Variants in ST3GAL4 observed in about 807,000 individuals in gnomAD.
The protein encoded by ST3GAL4 is ST3 beta-galactoside alpha-2,3-sialyltransferase 4, also known as CMP-N-acetylneuraminate-beta-galactosamide-alpha-2,3-sialyltransferase 4.
Under a neutral mutation model 42.6 loss-of-function variants are expected in ST3GAL4, and 24 were observed. The ratio of observed to expected loss-of-function variants is 0.56; its 90% CI spans 0.41 to 0.79. The LOEUF is 0.79. Among genes scored for constraint, ST3GAL4 ranks in the 30% least tolerant of loss-of-function variants. The probability of loss-of-function intolerance (pLI) is 0.00; values close to 1 mark genes in which losing one functional copy is unlikely to be tolerated. For synonymous variants in ST3GAL4, 135 were observed against 163.2 expected (o/e 0.83, Z 1.32); for missense variants, 311 against 430.8 (o/e 0.72, Z 2.46).
In ST3GAL4 at chr11:126,413,571, G is replaced by A. The variant is rs756094943; in HGVS notation, c.838G>A (p.Gly280Ser). 1.2e-6 allele frequency: 2 copies of A among 1,614,252 alleles called. No individual in the cohort carries two copies. Among genetic ancestry groups the A allele is most frequent in the Non-Finnish European group, 1.7e-6 (2 of 1,180,056 alleles). The change falls in exon 10 of 11, where the codon GGC (glycine) becomes AGC (serine). Residue 280 changes from glycine to serine, a missense_variant. By Grantham distance (56) the Gly-to-Ser change is moderately conservative. Coordinates refer to ENST00000444328, the MANE Select transcript of ST3GAL4 (RefSeq NM_001254757.2). ...CCTCTGTGACTTGGTGCACATTGCC[G>A]GCTTTGGCTACCCAGACGCCTACAA... ...LHLCDLVHIA[G>S]FGYPDAYNKK...
rs899348157 is a variant in ST3GAL4 at position 126,396,343 on chromosome 11, G to T, written c.-60-9753G>T. 1.3e-5 allele frequency among the ~76,000 whole-genome samples: 2 copies of T among 152,104 alleles called. No homozygotes were observed. Among genetic ancestry groups the T allele is most frequent in the Admixed American group, 1.3e-4 (2 of 15,280 alleles). ...GGCAGGGAAGCCAGAGGAGTCCGCA[G>T]CCCGGGAGACCTGGCCTACAGCGGA... On this transcript the variant is annotated intron_variant, in intron 1 of 10. Coordinates refer to ENST00000444328, the MANE Select transcript of ST3GAL4 (RefSeq NM_001254757.2). The surrounding 1 kb of genome is among the most constrained non-coding windows in gnomAD (Gnocchi z 5.8).
Position 126,409,220 on chromosome 11 carries a change from C to G in ST3GAL4, c.628-48C>G, listed in dbSNP as rs1053048454. 1.9e-6 allele frequency: 3 copies of G among 1,601,500 alleles called. No homozygotes were observed. The African/African-American group carries it at 4.0e-5, about 21-fold the overall frequency. ...GGACCACTGGGTTGGATTTGAGAAACAGGGCTTCACCCGCTTCTGTCTCTC... is the reference window on the plus strand; with the variant it reads ...GGACCACTGGGTTGGATTTGAGAAAGAGGGCTTCACCCGCTTCTGTCTCTC... On this transcript the variant is annotated intron_variant, in intron 8 of 10. Transcript: ENST00000444328. The surrounding 1 kb of genome is among the most constrained non-coding windows in gnomAD (Gnocchi z 4.9).
chr11:126,383,736 G>A lies in ST3GAL4; in HGVS notation c.-60-22360G>A, dbSNP rs2135451682. 6.6e-6 allele frequency among the ~76,000 whole-genome samples: 1 copy of A among 152,266 alleles called. No individual in the cohort carries two copies. The highest frequency in any genetic ancestry group is 6.5e-5 in the Admixed American group (1 of 15,296). On this transcript the variant is annotated intron_variant, in intron 1 of 10. Coordinates refer to ENST00000444328, the MANE Select transcript of ST3GAL4 (RefSeq NM_001254757.2). This position sits in a 1 kb window ranked among gnomAD's most constrained non-coding sequence, Gnocchi z 4.5. ...TGGAAGGGGCTGTCTATGCCTTCAG[G>A]CTCTGAGTGTGGATGCAGCTGGGCC...
At chr11:126,374,555 A>G (rs974089734) in intron 1 of ST3GAL4, among the ~76,000 whole-genome samples, 2 of 152,052 alleles carry the variant, frequency 1.3e-5, no homozygotes, top group Non-Finnish European at 2.9e-5. Context: ...TGAGTGAACG[A>G]AAGTACAAAG....
In ST3GAL4 at chr11:126,378,316, A is replaced by T. The variant is rs11220463; in HGVS notation, c.-61+22474A>T. On this transcript the variant is annotated intron_variant, in intron 1 of 10. Transcript: ENST00000444328. The surrounding 1 kb of genome is among the most constrained non-coding windows in gnomAD (Gnocchi z 5.3). ...GTCACATCTGCGTCTGCACAGCGCCACGTTGAATGGTTATGGTTTCAATTG... is the reference window on the plus strand; with the variant it reads ...GTCACATCTGCGTCTGCACAGCGCCTCGTTGAATGGTTATGGTTTCAATTG... 0.12 allele frequency among the ~76,000 whole-genome samples: 18,806 copies of T among 152,226 alleles called. 1,522 individuals are homozygous for T. The highest frequency in any genetic ancestry group is 0.36 in the East Asian group (1,849 of 5,162).
intron 1 of ST3GAL4, among the ~76,000 whole-genome samples, chr11:126,367,116 C>T (rs1346326047): frequency 1.3e-5 from 2 of 152,130 alleles, no homozygotes; most frequent in African/African-American, 4.8e-5. Context: ...TCTGGTCAGG[C>T]TGAGGGATCC....
At position 126,387,756 on chromosome 11, in the gene ST3GAL4, C is replaced by T. The variant is rs192670656; in HGVS notation, c.-60-18340C>T. ...CACTCTCATTCCAGACCTCTGACCC[C>T]CAGGACTTTTCTCTTGAGAGGCCAT... On this transcript the variant is annotated intron_variant, in intron 1 of 10. Coordinates refer to ENST00000444328, the MANE Select transcript of ST3GAL4 (RefSeq NM_001254757.2). Among the ~76,000 whole-genome samples the T allele has an allele frequency of 2.9e-3, 435 of 148,690 alleles. 3 individuals are homozygous for T. Among genetic ancestry groups the T allele is most frequent in the African/African-American group, 0.011 (422 of 39,514 alleles).
intron 1 of ST3GAL4, among the ~76,000 whole-genome samples, chr11:126,356,547 G>T (rs189503763): frequency 3.3e-5 from 5 of 152,346 alleles, no homozygotes; most frequent in Admixed American, 6.5e-5. Context: ...TCCCAGTCCT[G>T]GGGGGAGGCT....
In ST3GAL4 at chr11:126,392,974, T is replaced by C. The variant is rs1001169886; in HGVS notation, c.-60-13122T>C. Among the ~76,000 whole-genome samples, 1 of 151,152 alleles carries C rather than the reference T, an allele frequency of 6.6e-6. No homozygotes were observed. The highest frequency in any genetic ancestry group is 2.4e-5 in the African/African-American group (1 of 41,100). On this transcript the variant is annotated intron_variant, in intron 1 of 10. Transcript: ENST00000444328. The surrounding 1 kb of genome is among the most constrained non-coding windows in gnomAD (Gnocchi z 5.8). ...CAACTCCTGTTCTTTTTTTTTTTTT[T>C]TTTTGAGACAGGCTAGAGTGCAGGG... is the stretch of plus-strand genomic sequence containing the variant.
At chr11:126,403,991 T>C (rs1954122449) in intron 1 of ST3GAL4, among the ~76,000 whole-genome samples, 1 of 152,170 alleles carries the variant, frequency 6.6e-6, no homozygotes. Context: ...CGAATTCCAG[T>C]GCTGGGCTAG....
rs541175216 is a variant in ST3GAL4 at position 126,410,407 on chromosome 11, C to T, written c.771+996C>T. Among the ~76,000 whole-genome samples the T allele has an allele frequency of 6.6e-6, 1 of 152,266 alleles. No homozygotes were observed. Among genetic ancestry groups the T allele is most frequent in the South Asian group, 2.1e-4 (1 of 4,808 alleles). ...GGTGAGAGACAGGCACTAGCAGACA[C>T]AGGTATGGCGCTTGGCTGTGCTGTG... On this transcript the variant is annotated intron_variant, in intron 9 of 10. Coordinates refer to ENST00000444328, the MANE Select transcript of ST3GAL4 (RefSeq NM_001254757.2). The surrounding 1 kb of genome is among the most constrained non-coding windows in gnomAD (Gnocchi z 5.3).
intron 1 of ST3GAL4, among the ~76,000 whole-genome samples, chr11:126,365,916 G>C (rs1465748733): frequency 6.6e-6 from 1 of 152,140 alleles, no homozygotes; most frequent in East Asian, 1.9e-4. Flanking sequence ...TCGGCCAAAT[G>C]GCCACAGGCT....
Position 126,413,635 on chromosome 11 carries a change from T to TC in ST3GAL4, c.903dup (p.Lys302GlnfsTer9). On this transcript the variant is annotated frameshift_variant, in exon 10 of 11. Coordinates refer to ENST00000444328, the MANE Select transcript of ST3GAL4 (RefSeq NM_001254757.2). LOFTEE classifies it high-confidence loss of function. ...ATTCACTACTATGAGCAGATCACGC[T>TC]CAAGTCCATGGCGGTAAGTGCCTGG... is the stretch of plus-strand genomic sequence containing the variant. 6.2e-7 allele frequency: 1 copy of TC among 1,614,204 alleles called. No individual in the cohort carries two copies. The highest frequency in any genetic ancestry group is 8.5e-7 in the Non-Finnish European group (1 of 1,180,026).
chr11:126,375,530 C>G (rs1287224669), intron 1 of ST3GAL4, among the ~76,000 whole-genome samples: 1 of 152,240 alleles, frequency 6.6e-6, no homozygotes, highest in African/African-American at 2.4e-5. Flanking sequence ...CCGCTCCTCA[C>G]GAGCTGTACA....
Position 126,383,918 on chromosome 11 carries a change from G to C in ST3GAL4, c.-60-22178G>C, listed in dbSNP as rs1307844354. Among the ~76,000 whole-genome samples, 2 of 152,154 alleles carry C rather than the reference G, an allele frequency of 1.3e-5. No homozygotes were observed. Among genetic ancestry groups the C allele is most frequent in the Non-Finnish European group, 2.9e-5 (2 of 68,034 alleles). The stretch of plus-strand genomic sequence containing the variant: ...GGACAAACTGGAGAGGGACTCTCTT[G>C]CCGCCTTCTCTGTTCCTGGGGACAG... On this transcript the variant is annotated intron_variant, in intron 1 of 10. Coordinates refer to ENST00000444328, the MANE Select transcript of ST3GAL4 (RefSeq NM_001254757.2). This position sits in a 1 kb window ranked among gnomAD's most constrained non-coding sequence, Gnocchi z 4.5.
chr11:126,388,362 G>A lies in ST3GAL4; in HGVS notation c.-60-17734G>A, dbSNP rs573053258. On this transcript the variant is annotated intron_variant, in intron 1 of 10. Coordinates refer to ENST00000444328, the MANE Select transcript of ST3GAL4 (RefSeq NM_001254757.2). The stretch of plus-strand genomic sequence containing the variant: ...CTTTTCTTTTTTAAGACAGAGTCTC[G>A]CTCTCTCTCCCAGGCTGGAGTGAAG... Among the ~76,000 whole-genome samples, 7 of 151,628 alleles carry A rather than the reference G, an allele frequency of 4.6e-5. No homozygotes were observed. In the South Asian group the frequency reaches 1.3e-3, roughly 27 times the overall value.
Position 126,359,743 on chromosome 11 carries a change from CCTTCCCTCCTT to C in ST3GAL4, c.-61+3903_-61+3913del, listed in dbSNP as rs1952183802. The stretch of plus-strand genomic sequence containing the variant: ...GGTTCTTCTCCCTCCCTCCTTCCCT[CCTTCCCTCCTT>C]CCCTCCTTCCCCGTGGGCCCTCCCA... On this transcript the variant is annotated intron_variant, in intron 1 of 10. Transcript: ENST00000444328. The surrounding 1 kb of genome is among the most constrained non-coding windows in gnomAD (Gnocchi z 4.8). Among the ~76,000 whole-genome samples, 3 of 152,176 alleles carry C rather than the reference CCTTCCCTCCTT, an allele frequency of 2.0e-5. No homozygotes were observed. The South Asian group carries it at 6.2e-4, about 32-fold the overall frequency.
At position 126,409,373 on chromosome 11, in the gene ST3GAL4, C is replaced by T. The variant is rs773384723; in HGVS notation, c.733C>T (p.Leu245=). ...CATGGAGATTGCAGCTGACAAACTG[C>T]TGAGCCTGCCAATGCAACAGCCACG... The part of the protein sequence containing the change: ...FFMEIAADKL[L]SLPMQQPRKI... The change falls in exon 9 of 11, where the codon CTG becomes TTG. Residue 245 remains leucine, a synonymous_variant. Coordinates refer to ENST00000444328, the MANE Select transcript of ST3GAL4 (RefSeq NM_001254757.2). The surrounding 1 kb of genome is among the most constrained non-coding windows in gnomAD (Gnocchi z 4.9). 6.2e-7 allele frequency: 1 copy of T among 1,614,192 alleles called. No homozygotes were observed. Among genetic ancestry groups the T allele is most frequent in the South Asian group, 1.1e-5 (1 of 91,084 alleles).
chr11:126,367,848 A>T (rs1591421973), intron 1 of ST3GAL4, among the ~76,000 whole-genome samples: 1 of 152,154 alleles, frequency 6.6e-6, no homozygotes, highest in Non-Finnish European at 1.5e-5. Flanking sequence ...GAAAACTTCA[A>T]TAAGATTATG....
Sources: gnomAD v4.1 joint callset for allele counts (sites outside exome capture counted in the v4.1 genomes callset) on GRCh38, gnomAD v4.1.1 for gene constraint, Gnocchi (gnomAD v3.1) non-coding constraint, MANE v1.5 for transcripts, NCBI Gene and HGNC (gene_info 2026-07-23, HGNC 2026-07-21) for gene names.